CDC42SE2: variants seen among roughly 807,000 people sequenced by gnomAD.
CDC42SE2 encodes the protein CDC42 small effector 2.
A neutral mutation model predicts 11.5 loss-of-function variants in CDC42SE2; 3 were observed. The observed-to-expected ratio is 0.26, with a 90% CI of 0.12 to 0.67. The LOEUF (loss-of-function observed/expected upper bound fraction) is 0.67, where lower values mean the gene tolerates loss of function less well. CDC42SE2 is among the 30% of genes least tolerant of loss of function. CDC42SE2 has a pLI of 0.80. For missense variants in CDC42SE2, 82 were observed against 106.8 expected, an observed-to-expected ratio of 0.77 and a Z score of 1.02; for synonymous variants, 33 against 34.8, an observed-to-expected ratio of 0.95 and a Z score of 0.18.
At chr5:131,213,432 C>A in the CDC42SE2 span, among the ~76,000 whole-genome samples, 1 of 151,684 alleles carries the variant, frequency 6.6e-6, no homozygotes, top group African/African-American at 2.4e-5. Flanking sequence ...TTATTTTTTT[C>A]TTTTTATTTT....
At chr5:131,251,150 CTT>C (rs1479974670) in intron 1 of CDC42SE2, among the ~76,000 whole-genome samples, 3 of 152,088 alleles carry the variant, frequency 2.0e-5, no homozygotes, top group African/African-American at 7.2e-5. Context: ...AAATAAATGA[CTT>C]AACATTTTGT....
At chr5:131,251,100 A>C (rs1301992781) in intron 1 of CDC42SE2, among the ~76,000 whole-genome samples, 1 of 152,202 alleles carries the variant, frequency 6.6e-6, no homozygotes, top group Non-Finnish European at 1.5e-5. Flanking sequence ...GATACAATAA[A>C]ACTATATAAA....
At chr5:131,303,609 C>T (rs184523837) in intron 1 of CDC42SE2, among the ~76,000 whole-genome samples, 1 of 152,304 alleles carries the variant, frequency 6.6e-6, no homozygotes, top group East Asian at 1.9e-4. Context: ...TCTAAATCAT[C>T]TATCAGTAGG....
chr5:131,281,390 A>G (rs1210838277), intron 1 of CDC42SE2, among the ~76,000 whole-genome samples: 2 of 152,212 alleles, frequency 1.3e-5, no homozygotes, highest in East Asian at 1.9e-4. Context: ...TGGTCTACAG[A>G]AGAGACTTGA....
chr5:131,394,105 A>ATCTC lies in CDC42SE2; in HGVS notation c.*3015_*3018dup. The ATCTC allele has an allele frequency of 6.6e-6, 1 of 152,438 alleles. No homozygotes were observed. Among genetic ancestry groups the ATCTC allele is most frequent in the East Asian group, 1.9e-4 (1 of 5,326 alleles). The allele number at this position is 152,438 out of a possible 1,614,324, so 9.4% of individuals were successfully genotyped here. ...CCCACTTTTATAAAGGGGGTTGTAA[A>ATCTC]TCTCAAGAGGTCATTTGTTCCCCAT... On this transcript the variant is annotated 3_prime_UTR_variant, in exon 5 of 5. Transcript: ENST00000505065.
At chr5:131,263,710 C>T (rs1309664735), upstream of CDC42SE2, 1 of 151,936 alleles carries the variant, frequency 6.6e-6, no homozygotes, top group Non-Finnish European at 1.5e-5. Flanking sequence ...GTCCGCGGCC[C>T]GGGCCGGGGT....
intron 3 of CDC42SE2, among the ~76,000 whole-genome samples, chr5:131,371,602 C>T (rs568587924): frequency 1.2e-4 from 19 of 152,242 alleles, no homozygotes; most frequent in African/African-American, 3.6e-4. Flanking sequence ...CATAGGCAAA[C>T]GTAGTCAAAT....
chr5:131,345,322 G>A (rs1211921554), intron 2 of CDC42SE2, among the ~76,000 whole-genome samples: 1 of 152,096 alleles, frequency 6.6e-6, no homozygotes, highest in African/African-American at 2.4e-5. Context: ...ACCTGATGGA[G>A]CTGAAAACCA....
At position 131,301,716 on chromosome 5, in the gene CDC42SE2, C is replaced by T. The variant is rs187124353; in HGVS notation, c.-454-14260C>T. ...GAGGTTGCAGTGAGCCAAGATCACGCCACTGCACTCTAGTTTGGGAGACAG... is the reference window on the plus strand; with the variant it reads ...GAGGTTGCAGTGAGCCAAGATCACGTCACTGCACTCTAGTTTGGGAGACAG... On this transcript the variant is annotated intron_variant, in intron 1 of 4. Transcript: ENST00000505065. Among the ~76,000 whole-genome samples the T allele has an allele frequency of 6.9e-4, 104 of 151,240 alleles. 1 individual carries two copies. In the East Asian group the frequency reaches 0.016, roughly 23 times the overall value.
At chr5:131,321,205 T>TAG in intron 2 of CDC42SE2, among the ~76,000 whole-genome samples, 1 of 152,344 alleles carries the variant, frequency 6.6e-6, no homozygotes, top group East Asian at 1.9e-4. Flanking sequence ...CTTTTGGGTT[T>TAG]AGTTCATCGT....
At chr5:131,369,308 A>G (rs767929084) in intron 3 of CDC42SE2, among the ~76,000 whole-genome samples, 10 of 152,182 alleles carry the variant, frequency 6.6e-5, no homozygotes, top group Non-Finnish European at 1.3e-4. Context: ...TGGCTGTACC[A>G]TAATAGATTT....
intron 2 of CDC42SE2, among the ~76,000 whole-genome samples, chr5:131,342,744 G>T (rs551501366): frequency 6.7e-6 from 1 of 150,144 alleles, no homozygotes; most frequent in Non-Finnish European, 1.5e-5. Flanking sequence ...ATAGATTCTC[G>T]CTCTATTACT....
chr5:131,377,008 G>A (rs918696004), intron 3 of CDC42SE2, among the ~76,000 whole-genome samples: 2 of 152,122 alleles, frequency 1.3e-5, no homozygotes, highest in East Asian at 3.8e-4. Context: ...TATATACTCA[G>A]TAAGGGGGTC....
intron 1 of CDC42SE2, among the ~76,000 whole-genome samples, chr5:131,268,280 C>G (rs1756914412): frequency 6.6e-6 from 1 of 151,748 alleles, no homozygotes; most frequent in African/African-American, 2.4e-5. Flanking sequence ...TCAGGCTGAT[C>G]TCAAACTCTT....
the CDC42SE2 span, among the ~76,000 whole-genome samples, chr5:131,215,756 T>A: frequency 6.6e-6 from 1 of 152,214 alleles, no homozygotes; most frequent in Admixed American, 6.5e-5. Flanking sequence ...CAGAAAAGAT[T>A]TAGAGGAATG....
chr5:131,386,742 CTT>C (rs1014608324), intron 4 of CDC42SE2, among the ~76,000 whole-genome samples: 3 of 152,228 alleles, frequency 2.0e-5, no homozygotes, highest in African/African-American at 4.8e-5. Context: ...CAGACTGACT[CTT>C]TTCCCCATGC....
intron 3 of CDC42SE2, among the ~76,000 whole-genome samples, chr5:131,375,779 A>G (rs1750133888): frequency 6.6e-6 from 1 of 152,254 alleles, no homozygotes; most frequent in South Asian, 2.1e-4. Flanking sequence ...TGCAGTATCT[A>G]AAACCTTGTT....
At chr5:131,381,321 T>G (rs12332309) in intron 3 of CDC42SE2, among the ~76,000 whole-genome samples, 2,577 of 63,804 alleles carry the variant, frequency 0.04, 72 homozygotes, top group African/African-American at 0.33. Context: ...TGTTTTTTTT[T>G]GTTTTTTTTT....
intron 1 of CDC42SE2, among the ~76,000 whole-genome samples, chr5:131,305,656 C>T (rs916995313): frequency 2.0e-5 from 3 of 152,102 alleles, no homozygotes; most frequent in African/African-American, 7.2e-5. Flanking sequence ...GATATTAGCC[C>T]TTTATCAGAT....
Sources: gnomAD v4.1 joint callset for allele counts (sites outside exome capture counted in the v4.1 genomes callset) on GRCh38, gnomAD v4.1.1 for gene constraint, MANE v1.5 for transcripts, NCBI Gene and HGNC (gene_info 2026-07-23, HGNC 2026-07-21) for gene names.